The following SWT1 variants were observed in gnomAD, a reference collection of about 807,000 sequenced individuals.
SWT1 encodes the protein SWT1 RNA endoribonuclease homolog.
A neutral mutation model predicts 107.3 loss-of-function variants in SWT1; 33 were observed. That is an observed-to-expected ratio of 0.31 (90% CI 0.23 to 0.41). The LOEUF is 0.41. Among genes scored for constraint, SWT1 ranks in the 10% least tolerant of loss-of-function variants. The pLI, the probability that SWT1 is intolerant of heterozygous loss-of-function variation, is 1.00. For missense variants in SWT1, 898 were observed against 1,028.9 expected, an observed-to-expected ratio of 0.87 and a Z score of 1.74; for synonymous variants, 345 against 348.3, an observed-to-expected ratio of 0.99 and a Z score of 0.11.
At chr1:185,211,371 G>A (rs192173540) in intron 13 of SWT1, among the ~76,000 whole-genome samples, 1 of 152,188 alleles carries the variant, frequency 6.6e-6, no homozygotes, top group East Asian at 1.9e-4. Flanking sequence ...CTGAACAGAG[G>A]CCTCAGAAAT....
intron 2 of SWT1, among the ~76,000 whole-genome samples, chr1:185,163,372 G>A (rs1654315842): frequency 6.7e-6 from 1 of 150,274 alleles, no homozygotes; most frequent in Non-Finnish European, 1.5e-5. Context: ...TTTATAAGAA[G>A]CAACTCCTAA....
intron 16 of SWT1, among the ~76,000 whole-genome samples, chr1:185,248,775 CAAAAA>C (rs371891305): frequency 2.5e-5 from 3 of 117,834 alleles, no homozygotes; most frequent in Non-Finnish European, 3.7e-5. Flanking sequence ...ACGACTAAGC[CAAAAA>C]AAAAAAAAAA....
chr1:185,269,516 A>G (rs140608527), intron 16 of SWT1, among the ~76,000 whole-genome samples: 361 of 152,080 alleles, frequency 2.4e-3, no homozygotes, highest in African/African-American at 8.2e-3. Flanking sequence ...AAATTTGACT[A>G]TGTCCCGAAA....
intron 16 of SWT1, among the ~76,000 whole-genome samples, chr1:185,262,039 G>C (rs1430594042): frequency 6.6e-6 from 1 of 152,086 alleles, no homozygotes; most frequent in Admixed American, 6.6e-5. Context: ...TTTACTCTCA[G>C]CTCTTCAGTT....
intron 9 of SWT1, 103 bp from the exon 10 acceptor site, chr1:185,190,446 A>T: frequency 1.5e-6 from 1 of 671,594 alleles, no homozygotes; most frequent in Non-Finnish European, 2.7e-6. Flanking sequence ...TAACTACCTT[A>T]AATCTCTTAG....
chr1:185,171,943 A>T (rs1234538969), intron 4 of SWT1, among the ~76,000 whole-genome samples: 1 of 152,200 alleles, frequency 6.6e-6, no homozygotes, highest in African/African-American at 2.4e-5. Flanking sequence ...TCATGCATGC[A>T]TATATGATGA....
chr1:185,198,407 A>G (rs374483514), intron 10 of SWT1, among the ~76,000 whole-genome samples: 4 of 152,318 alleles, frequency 2.6e-5, no homozygotes, highest in East Asian at 3.9e-4. Flanking sequence ...AAGAATGTAT[A>G]TTCTGTTGAT....
At chr1:185,278,143 A>T (rs868183779) in intron 18 of SWT1, among the ~76,000 whole-genome samples, 1 of 152,128 alleles carries the variant, frequency 6.6e-6, no homozygotes, top group African/African-American at 2.4e-5. Flanking sequence ...TCCAATTCTT[A>T]CATACACAGG....
chr1:185,288,136 A>AT (rs534296789), intron 18 of SWT1, among the ~76,000 whole-genome samples: 30 of 152,302 alleles, frequency 2.0e-4, no homozygotes, highest in Non-Finnish European at 3.1e-4. Flanking sequence ...TTTCAAAATC[A>AT]TTTTTTTGAG....
At chr1:185,184,414 G>T (rs74393112) in intron 8 of SWT1, 70 bp downstream of exon 8, 1 of 710,006 alleles carries the variant, frequency 1.4e-6, no homozygotes, top group East Asian at 2.9e-5. Context: ...AACAATGATG[G>T]GCTTTTTTTG....
At chr1:185,279,133 A>G (rs191925818) in intron 18 of SWT1, among the ~76,000 whole-genome samples, 73 of 152,352 alleles carry the variant, frequency 4.8e-4, no homozygotes, top group African/African-American at 1.6e-3. Flanking sequence ...CAGATTATCA[A>G]TGAATCGGTT....
chr1:185,245,494 T>C (rs1303563282), intron 16 of SWT1, among the ~76,000 whole-genome samples: 2 of 152,138 alleles, frequency 1.3e-5, no homozygotes, highest in African/African-American at 4.8e-5. Flanking sequence ...AGAAGGAATA[T>C]ACCCTAAAAT....
intron 16 of SWT1, among the ~76,000 whole-genome samples, chr1:185,270,286 CTTTT>C (rs79137703): frequency 9.5e-6 from 1 of 104,860 alleles, no homozygotes; most frequent in Admixed American, 9.4e-5. Context: ...GTTTACTTTC[CTTTT>C]TTTTTTTTTT....
At chr1:185,188,370 G>A (rs567427047) in intron 9 of SWT1, among the ~76,000 whole-genome samples, 184 of 152,290 alleles carry the variant, frequency 1.2e-3, no homozygotes, top group African/African-American at 4.3e-3. Context: ...TTTATCTGCT[G>A]AATTGAATTG....
intron 14 of SWT1, among the ~76,000 whole-genome samples, chr1:185,217,648 T>C (rs993060397): frequency 4.6e-5 from 7 of 151,716 alleles, no homozygotes; most frequent in African/African-American, 1.5e-4. Context: ...CAGGCTGGAG[T>C]ACAATGGCAC....
intron 16 of SWT1, among the ~76,000 whole-genome samples, chr1:185,235,301 G>A (rs1284047512): frequency 1.3e-5 from 2 of 152,168 alleles, no homozygotes; most frequent in African/African-American, 2.4e-5. Flanking sequence ...GAACATCAAT[G>A]CGAAAATCCT....
intron 16 of SWT1, among the ~76,000 whole-genome samples, chr1:185,246,860 C>T (rs889037937): frequency 6.6e-6 from 1 of 152,020 alleles, no homozygotes; most frequent in Non-Finnish European, 1.5e-5. Context: ...AACTCCTGGG[C>T]TCAAGTGATC....
intron 10 of SWT1, among the ~76,000 whole-genome samples, chr1:185,194,465 A>G (rs1429861333): frequency 6.6e-6 from 1 of 151,862 alleles, no homozygotes; most frequent in Non-Finnish European, 1.5e-5. Context: ...AGTGTTTACA[A>G]TATACATCTT....
At chr1:185,168,116 A>G (rs1218093533) in intron 3 of SWT1, among the ~76,000 whole-genome samples, 1 of 152,142 alleles carries the variant, frequency 6.6e-6, no homozygotes, top group African/African-American at 2.4e-5. Flanking sequence ...AGATCTATTT[A>G]CAGATGACAG....
Sources: allele counts gnomAD v4.1 joint callset (sites outside exome capture counted in the v4.1 genomes callset), GRCh38; gene constraint gnomAD v4.1.1; transcripts MANE v1.5; gene names NCBI Gene and HGNC (gene_info 2026-07-23, HGNC 2026-07-21).